Variants in GBF1 observed in about 807,000 individuals in gnomAD.
GBF1 encodes the protein golgi brefeldin A resistant guanine nucleotide exchange factor 1.
Under a neutral mutation model 210.5 loss-of-function variants are expected in GBF1, and 114 were observed. The observed-to-expected ratio is 0.54, with a 90% confidence interval of 0.47 to 0.63. The LOEUF (loss-of-function observed/expected upper bound fraction) is 0.63, where lower values mean the gene tolerates loss of function less well. Ranked by LOEUF, GBF1 falls within the 30% of genes least tolerant of loss-of-function variation. The probability of loss-of-function intolerance (pLI) is 0.00; values close to 1 mark genes in which losing one functional copy is unlikely to be tolerated. For missense variants in GBF1, 1,851 were observed against 2,357.7 expected (o/e 0.79, Z 4.45); for synonymous variants, 850 against 889.2 (o/e 0.96, Z 0.78).
chr10:102,361,978 T>TGAGGA, intron 14 of GBF1, 66 bp downstream of exon 14: 2 of 893,008 alleles, frequency 2.2e-6, no homozygotes, highest in Non-Finnish European at 3.3e-6. Context: ...CTGGTGGTAG[T>TGAGGA]GAGGATGTTA....
At chr10:102,254,198 T>C (rs74501283) in intron 1 of GBF1, among the ~76,000 whole-genome samples, 7,210 of 152,248 alleles carry the variant, frequency 0.047, 207 homozygotes, top group Non-Finnish European at 0.06. Context: ...TTGCTTTTTG[T>C]TTCTTGTTTA....
intron 3 of GBF1, among the ~76,000 whole-genome samples, chr10:102,336,303 AAAAAAAAAAAAG>A (rs1033251524): frequency 5.5e-5 from 8 of 146,624 alleles, no homozygotes; most frequent in African/African-American, 1.9e-4. Context: ...TTGTCTCAAA[AAAAAAAAAAAAG>A]AAAAAAAAAA....
Position 102,360,044 on chromosome 10 carries a change from G to C in GBF1, c.1181-140G>C, listed in dbSNP as rs1320127700. ...GCCTCCCAAAGCACTAGGATTACAGGCATGAGCCATCACGCCCAGCCCTTT... is the reference window on the plus strand; with the variant it reads ...GCCTCCCAAAGCACTAGGATTACAGCCATGAGCCATCACGCCCAGCCCTTT... On this transcript the variant is annotated intron_variant, in intron 11 of 39. Coordinates refer to ENST00000369983, the MANE Select transcript of GBF1 (RefSeq NM_001377137.1). The C allele has an allele frequency of 5.6e-6, 4 of 714,218 alleles. No homozygotes were observed. In the South Asian group the frequency reaches 6.2e-5, roughly 11 times the overall value. 44.2% of individuals were successfully genotyped at this position (714,218 alleles called of 1,614,324 possible).
chr10:102,268,105 T>G (rs2074046805), intron 3 of GBF1, among the ~76,000 whole-genome samples: 1 of 152,240 alleles, frequency 6.6e-6, no homozygotes, highest in South Asian at 2.1e-4. Flanking sequence ...CTTCCCCAGA[T>G]GATTTATGAA....
chr10:102,379,699 G>A (rs745905606), intron 35 of GBF1, 48 bp downstream of exon 35: 3 of 1,609,296 alleles, frequency 1.9e-6, no homozygotes, highest in Non-Finnish European at 2.6e-6. Flanking sequence ...CCTAAGAAAA[G>A]GAAAGCCAGG....
At chr10:102,368,638 C>G in intron 22 of GBF1, 101 bp from the exon 23 acceptor site, 1 of 897,668 alleles carries the variant, frequency 1.1e-6, no homozygotes, top group Non-Finnish European at 1.8e-6. Flanking sequence ...AGGTTTCTTC[C>G]TGGGACTGAC....
chr10:102,240,868 A>G (rs1032749744), upstream of GBF1, among the ~76,000 whole-genome samples: 1 of 152,154 alleles, frequency 6.6e-6, no homozygotes, highest in South Asian at 2.1e-4. Flanking sequence ...GACCAGGCGC[A>G]CCCCGGCTCC....
chr10:102,255,968 CAG>C (rs2072292953), intron 1 of GBF1, among the ~76,000 whole-genome samples: 1 of 152,204 alleles, frequency 6.6e-6, no homozygotes, highest in Middle Eastern at 3.2e-3. Flanking sequence ...TATTTTAAGA[CAG>C]AGTCTCGCTC....
chr10:102,286,047 A>T lies in GBF1; in HGVS notation c.163+25931A>T, dbSNP rs960760787. 3.2e-4 allele frequency among the ~76,000 whole-genome samples: 48 copies of T among 152,086 alleles called. 1 individual carries two copies. On this transcript the variant is annotated intron_variant, in intron 3 of 39. Coordinates refer to ENST00000369983, the MANE Select transcript of GBF1 (RefSeq NM_001377137.1). ...TACTTACCTTCCTCCTTTCCCCACCACAATACACAGTGTTGTTGGGTTTGC... is the reference window on the plus strand; with the variant it reads ...TACTTACCTTCCTCCTTTCCCCACCTCAATACACAGTGTTGTTGGGTTTGC...
chr10:102,374,391 TG>T (rs1364750531), intron 29 of GBF1, among the ~76,000 whole-genome samples: 1 of 150,562 alleles, frequency 6.6e-6, no homozygotes, highest in Non-Finnish European at 1.5e-5. Flanking sequence ...GGATTAGGGA[TG>T]GGGGCAGGAA....
chr10:102,246,855 A>T (rs964383132), intron 1 of GBF1, among the ~76,000 whole-genome samples: 4 of 152,092 alleles, frequency 2.6e-5, no homozygotes, highest in Admixed American at 2.6e-4. Flanking sequence ...TATAAAAGGC[A>T]CTCTAGGCCC....
chr10:102,353,597 T>C lies in GBF1; in HGVS notation c.585-3T>C, dbSNP rs745652047. 2 of 1,593,390 alleles carry C rather than the reference T, an allele frequency of 1.3e-6. No individual in the cohort carries two copies. Among genetic ancestry groups the C allele is most frequent in the Admixed American group, 1.7e-5 (1 of 59,996 alleles). ...GACAGTTGATGGATTTTCTATCTTA[T>C]AGGTTACCTCAGTTTAAAGAAGAAC... On this transcript the variant is annotated splice_region_variant and splice_polypyrimidine_tract_variant and intron_variant, in intron 7 of 39. Transcript: ENST00000369983.
intron 3 of GBF1, among the ~76,000 whole-genome samples, chr10:102,268,283 A>G (rs981706494): frequency 3.3e-5 from 5 of 152,220 alleles, no homozygotes; most frequent in African/African-American, 1.2e-4. Context: ...CTTAGCCATC[A>G]GAACTAGTTT....
At chr10:102,330,495 C>T (rs1024199670) in intron 3 of GBF1, among the ~76,000 whole-genome samples, 1 of 152,018 alleles carries the variant, frequency 6.6e-6, no homozygotes, top group African/African-American at 2.4e-5. Flanking sequence ...ACCAGCCTGG[C>T]CAACATGGCG....
At chr10:102,303,944 A>G (rs2077619422) in intron 3 of GBF1, among the ~76,000 whole-genome samples, 1 of 152,176 alleles carries the variant, frequency 6.6e-6, no homozygotes, top group Non-Finnish European at 1.5e-5. Flanking sequence ...TGAGGCTTAG[A>G]GAAGTTTATT....
rs565329645 is a variant in GBF1 at position 102,265,348 on chromosome 10, A to C, written c.163+5232A>C. Among the ~76,000 whole-genome samples the C allele has an allele frequency of 2.0e-5, 3 of 152,228 alleles. No homozygotes were observed. The South Asian group carries it at 6.2e-4, about 32-fold the overall frequency. ...ATTACAAAGAGATTCTTTTCCAGAA[A>C]ATTTTTGGTTTAAAACAGGAGAGGA... On this transcript the variant is annotated intron_variant, in intron 3 of 39. Transcript: ENST00000369983.
At chr10:102,293,135 A>G (rs757652667) in intron 3 of GBF1, among the ~76,000 whole-genome samples, 17 of 152,252 alleles carry the variant, frequency 1.1e-4, no homozygotes, top group Non-Finnish European at 1.8e-4. Flanking sequence ...CTGAAGATGC[A>G]TCAGTGTACA....
chr10:102,247,865 T>A (rs1337500101), intron 1 of GBF1, among the ~76,000 whole-genome samples: 1 of 152,190 alleles, frequency 6.6e-6, no homozygotes, highest in South Asian at 2.1e-4. Flanking sequence ...ACATATCTCC[T>A]CAGTAGCTGG....
intron 33 of GBF1, among the ~76,000 whole-genome samples, chr10:102,378,036 G>A (rs550486852): frequency 3.3e-5 from 5 of 150,658 alleles, no homozygotes; most frequent in South Asian, 2.1e-4. Flanking sequence ...TGGCTAACAC[G>A]GTGAAACCCC....
Sources: gnomAD v4.1 joint callset for allele counts (sites outside exome capture counted in the v4.1 genomes callset) on GRCh38, gnomAD v4.1.1 for gene constraint, MANE v1.5 for transcripts, NCBI Gene and HGNC (gene_info 2026-07-23, HGNC 2026-07-21) for gene names.